The following EPSTI1 variants were observed in gnomAD, a reference collection of about 807,000 sequenced individuals.
EPSTI1 encodes the protein epithelial stromal interaction 1.
EPSTI1 carries 66 observed loss-of-function variants against 49.9 expected under a neutral mutation model. The observed-to-expected ratio is 1.32, with a 90% CI of 1.08 to 1.62. The LOEUF (loss-of-function observed/expected upper bound fraction) is 1.62. Among genes scored for constraint, EPSTI1 ranks in the 40% most tolerant of loss-of-function variants. EPSTI1 has a pLI of 0.00. For missense variants in EPSTI1, 394 were observed against 365.5 expected (o/e 1.08, Z -0.64); for synonymous variants, 137 against 130.7 (o/e 1.05, Z -0.33).
chr13:42,905,728 G>A (rs1253078394), intron 8 of EPSTI1, among the ~76,000 whole-genome samples: 2 of 152,136 alleles, frequency 1.3e-5, no homozygotes, highest in Admixed American at 1.3e-4. Context: ...TATCAGCACA[G>A]CTCCACCCTG....
chr13:42,893,243 A>G (rs952524736), intron 10 of EPSTI1, among the ~76,000 whole-genome samples: 1 of 152,210 alleles, frequency 6.6e-6, no homozygotes, highest in Admixed American at 6.5e-5. Context: ...TTTATGTTTT[A>G]TGCTGATGGA....
chr13:42,992,157 G>A lies in EPSTI1; in HGVS notation c.9C>T (p.Thr3=). ...GCCCGGAGTTCACCACTCTATTGCG[G>A]GTGTTCATGGTTCACAGCCCGCGGG... MN[T]RNRVVNSGLG... Residue 3 remains threonine (T), a synonymous_variant, in exon 1 of 11, where the codon ACC becomes ACT. Transcript: ENST00000313624. 6.4e-7 allele frequency: 1 copy of A among 1,573,502 alleles called. No individual in the cohort carries two copies. Among genetic ancestry groups the A allele is most frequent in the South Asian group, 1.2e-5 (1 of 85,532 alleles).
chr13:42,964,869 G>A (rs2039560829), intron 3 of EPSTI1, among the ~76,000 whole-genome samples: 1 of 152,184 alleles, frequency 6.6e-6, no homozygotes, highest in African/African-American at 2.4e-5. Context: ...TGCAAGCTTG[G>A]TGTGCGTATT....
chr13:42,904,757 G>A (rs1168421103), intron 8 of EPSTI1, among the ~76,000 whole-genome samples: 1 of 152,082 alleles, frequency 6.6e-6, no homozygotes, highest in Non-Finnish European at 1.5e-5. Context: ...TACATTAAGT[G>A]ATAAAAGATA....
intron 10 of EPSTI1, among the ~76,000 whole-genome samples, chr13:42,890,776 C>G (rs1445811216): frequency 6.6e-6 from 1 of 151,902 alleles, no homozygotes; most frequent in Non-Finnish European, 1.5e-5. Context: ...GGATTTTCTA[C>G]GTAAATAATT....
chr13:42,958,751 G>T (rs2039351149), intron 5 of EPSTI1, among the ~76,000 whole-genome samples: 1 of 151,300 alleles, frequency 6.6e-6, no homozygotes, highest in Non-Finnish European at 1.5e-5. Flanking sequence ...AAGCCAGCAA[G>T]GATTTTGGTA....
chr13:42,888,414 A>G lies in EPSTI1; in HGVS notation c.*80T>C. 1.9e-6 allele frequency: 3 copies of G among 1,614,200 alleles called. No homozygotes were observed. The South Asian group carries it at 3.3e-5, about 18-fold the overall frequency. On this transcript the variant is annotated 3_prime_UTR_variant, in exon 11 of 11. Coordinates refer to ENST00000313624, the MANE Select transcript of EPSTI1 (RefSeq NM_033255.5). ...ATTAAGGTAAAAACAGTGAGGCTGAACAAAATCACATTAAGAAAAAGCATC... is the reference window on the plus strand; with the variant it reads ...ATTAAGGTAAAAACAGTGAGGCTGAGCAAAATCACATTAAGAAAAAGCATC...
intron 5 of EPSTI1, among the ~76,000 whole-genome samples, chr13:42,958,348 T>C (rs1313604917): frequency 6.6e-6 from 1 of 152,140 alleles, no homozygotes; most frequent in Non-Finnish European, 1.5e-5. Flanking sequence ...ACCATAATGC[T>C]TGGGACAGAG....
chr13:42,917,511 T>C (rs748967645), intron 8 of EPSTI1, 30 bp downstream of exon 8: 1 of 1,562,344 alleles, frequency 6.4e-7, no homozygotes, highest in South Asian at 1.1e-5. Context: ...AATAAACAGT[T>C]AGCAATAACT....
intron 10 of EPSTI1, 74 bp from the exon 11 acceptor site, chr13:42,888,576 G>T (rs1454524167): frequency 6.7e-7 from 1 of 1,489,396 alleles, no homozygotes; most frequent in Admixed American, 2.2e-5. Context: ...CAAAAATGAA[G>T]TTCCTGCAAA....
rs1187923732 is a variant in EPSTI1 at position 42,917,552 on chromosome 13, GTTCA to G, written c.726_729del (p.Glu243AsnfsTer10). 6.5e-7 allele frequency: 1 copy of G among 1,528,194 alleles called. No individual in the cohort carries two copies. The highest frequency in any genetic ancestry group is 1.1e-5 in the South Asian group (1 of 89,106). The allele number at this position is 1,528,194 out of a possible 1,614,324, so 94.7% of individuals were successfully genotyped here. ...GGGCTTGTAAGTACCTTTTGATGTT[GTTCA>G]TCCTTCATCTTTTGCAATTTTCTGT... On this transcript the variant is annotated frameshift_variant, in exon 8 of 11. Transcript: ENST00000313624. LOFTEE classifies it high-confidence loss of function.
intron 6 of EPSTI1, among the ~76,000 whole-genome samples, chr13:42,928,166 AG>A (rs1170439320): frequency 6.6e-6 from 1 of 152,208 alleles, no homozygotes; most frequent in Non-Finnish European, 1.5e-5. Context: ...AGAGGAATAC[AG>A]GTAGGGGCCT....
chr13:42,981,268 C>A (rs2039982204), intron 1 of EPSTI1, among the ~76,000 whole-genome samples: 1 of 152,146 alleles, frequency 6.6e-6, no homozygotes, highest in Admixed American at 6.6e-5. Flanking sequence ...CAAATACATT[C>A]TGAATAGATG....
chr13:42,911,237 G>C (rs913539476), intron 8 of EPSTI1, among the ~76,000 whole-genome samples: 23 of 125,354 alleles, frequency 1.8e-4, no homozygotes, highest in African/African-American at 5.1e-4. Context: ...GGGAGGGAGA[G>C]AGAGAGAGTG....
At chr13:42,991,745 G>A (rs36081563) in intron 1 of EPSTI1, among the ~76,000 whole-genome samples, 42,212 of 152,180 alleles carry the variant, frequency 0.28, 7,757 homozygotes, top group Non-Finnish European at 0.4. Context: ...AATCAGGAAA[G>A]TAGTATTCCT....
chr13:42,987,820 G>A (rs1161446547), intron 1 of EPSTI1, among the ~76,000 whole-genome samples: 5 of 152,138 alleles, frequency 3.3e-5, no homozygotes, highest in Non-Finnish European at 5.9e-5. Flanking sequence ...TTTTAAGCTA[G>A]AGATCCTCTC....
chr13:42,938,104 C>T (rs12858565), intron 6 of EPSTI1, among the ~76,000 whole-genome samples: 18,369 of 151,722 alleles, frequency 0.12, 1,415 homozygotes, highest in Non-Finnish European at 0.17. Context: ...CTTCCCAAAC[C>T]TTGGTTCTTG....
intron 1 of EPSTI1, 119 bp downstream of exon 1, chr13:42,991,859 A>T: frequency 9.0e-7 from 1 of 1,114,630 alleles, no homozygotes; most frequent in Non-Finnish European, 1.3e-6. Context: ...GCTTTCATTC[A>T]GTCAAAATCC....
At position 42,969,146 on chromosome 13, in the gene EPSTI1, C is replaced by T. The variant is rs758267824; in HGVS notation, c.279G>A (p.Lys93=). 23 of 1,614,040 alleles carry T rather than the reference C, an allele frequency of 1.4e-5. No individual in the cohort carries two copies. In the African/African-American group the frequency reaches 2.8e-4, roughly 20 times the overall value. Residue 93 remains lysine, a synonymous_variant, in exon 3 of 11, where the codon AAG becomes AAA. Coordinates refer to ENST00000313624, the MANE Select transcript of EPSTI1 (RefSeq NM_033255.5). ...GTTTAGCTCTGTTCTGCTCCTTCCACTTCTCCAGGTTGGCCAGCTCCTGCT... is the reference window on the plus strand; with the variant it reads ...GTTTAGCTCTGTTCTGCTCCTTCCATTTCTCCAGGTTGGCCAGCTCCTGCT... The part of the protein sequence containing the change: ...IAEQELANLE[K]WKEQNRAKPV...
Sources: allele counts gnomAD v4.1 joint callset (sites outside exome capture counted in the v4.1 genomes callset), GRCh38; gene constraint gnomAD v4.1.1; transcripts MANE v1.5; gene names NCBI Gene and HGNC (gene_info 2026-07-23, HGNC 2026-07-21).